Variants in UNC5D observed in about 807,000 individuals in gnomAD.
The protein encoded by UNC5D is netrin receptor UNC5D.
Under a neutral mutation model 105.4 loss-of-function variants are expected in UNC5D, and 39 were observed. The observed-to-expected ratio is 0.37, with a 90% CI of 0.29 to 0.48. The LOEUF (loss-of-function observed/expected upper bound fraction) is 0.48, where lower values mean the gene tolerates loss of function less well. UNC5D is among the 20% of genes least tolerant of loss of function. UNC5D has a pLI of 0.98. For missense variants in UNC5D, 991 were observed against 1,202.4 expected (o/e 0.82, Z 2.60); for synonymous variants, 452 against 450.4 (o/e 1.00, Z -0.04).
intron 1 of UNC5D, among the ~76,000 whole-genome samples, chr8:35,413,036 C>A (rs1585783795): frequency 6.6e-6 from 1 of 152,202 alleles, no homozygotes; most frequent in African/African-American, 2.4e-5. Flanking sequence ...AATTCAGTTT[C>A]TTGTTTACGC....
chr8:35,796,257 G>A lies in UNC5D; in HGVS notation c.*5694G>A, dbSNP rs929578741. ...GCCTTGTATTATCAATGTAAATTCT[G>A]AATGTTGTACAGTAAACTTGGATGG... On this transcript the variant is annotated 3_prime_UTR_variant, in exon 17 of 17. Transcript: ENST00000404895. The A allele has an allele frequency of 1.8e-4, 28 of 151,994 alleles. No homozygotes were observed. The highest frequency in any genetic ancestry group is 6.0e-4 in the African/African-American group (25 of 41,356). 9.4% of individuals were successfully genotyped at this position (151,994 alleles called of 1,614,324 possible).
chr8:35,703,866 T>C (rs1009354667), intron 7 of UNC5D, among the ~76,000 whole-genome samples: 1 of 152,214 alleles, frequency 6.6e-6, no homozygotes, highest in African/African-American at 2.4e-5. Context: ...CTGTGCCCCA[T>C]GCCAAATGCT....
intron 8 of UNC5D, among the ~76,000 whole-genome samples, chr8:35,706,203 A>G (rs1827566320): frequency 6.6e-6 from 1 of 152,166 alleles, no homozygotes; most frequent in African/African-American, 2.4e-5. Flanking sequence ...CTATAAGTCC[A>G]TTTCTCTGCA....
At chr8:35,420,472 G>T (rs1164732706) in intron 1 of UNC5D, among the ~76,000 whole-genome samples, 1 of 152,126 alleles carries the variant, frequency 6.6e-6, no homozygotes, top group African/African-American at 2.4e-5. Flanking sequence ...GAACTGTCTT[G>T]TGTGTGTCTT....
chr8:35,427,495 A>G (rs994221879), intron 1 of UNC5D, among the ~76,000 whole-genome samples: 1 of 152,216 alleles, frequency 6.6e-6, no homozygotes, highest in Non-Finnish European at 1.5e-5. Context: ...AGCAGGGTGG[A>G]TGTCAAACAT....
At chr8:35,538,852 G>C (rs1046128309) in intron 1 of UNC5D, among the ~76,000 whole-genome samples, 4 of 152,074 alleles carry the variant, frequency 2.6e-5, no homozygotes, top group African/African-American at 9.7e-5. Context: ...CAATAAGTCT[G>C]TTTGAAGCAT....
At chr8:35,765,290 C>T (rs565211084) in intron 14 of UNC5D, among the ~76,000 whole-genome samples, 3 of 152,248 alleles carry the variant, frequency 2.0e-5, no homozygotes, top group Admixed American at 6.5e-5. Context: ...CAGCCCCTTC[C>T]GCATGGGGAA....
At chr8:35,401,495 G>C (rs1459970124) in intron 1 of UNC5D, among the ~76,000 whole-genome samples, 1 of 152,126 alleles carries the variant, frequency 6.6e-6, no homozygotes, top group African/African-American at 2.4e-5. Flanking sequence ...AAAAGGGAAG[G>C]AAGCTGGGAG....
chr8:35,413,292 T>TGTGTGTGTGTGTGTGTGCTG (rs56157732), intron 1 of UNC5D, among the ~76,000 whole-genome samples: 1 of 127,978 alleles, frequency 7.8e-6, no homozygotes, highest in African/African-American at 3.1e-5. Flanking sequence ...TGTGTGTGTG[T>TGTGTGTGTGTGTGTGTGCTG]TGTGTGTGTG....
chr8:35,490,234 G>A (rs1324490333), intron 1 of UNC5D, among the ~76,000 whole-genome samples: 1 of 152,156 alleles, frequency 6.6e-6, no homozygotes, highest in Non-Finnish European at 1.5e-5. Context: ...GGGGCACTAT[G>A]GCTCATGCCT....
chr8:35,750,575 C>A lies in UNC5D; in HGVS notation c.1936-7C>A, dbSNP rs1159130088. ...AAGTGAGAGAATAAACATACCTTTC[C>A]CAACAGGAAGTGATGTCAGTGGAAG... On this transcript the variant is annotated splice_polypyrimidine_tract_variant and splice_region_variant and intron_variant, in intron 12 of 16. Transcript: ENST00000404895. 6.2e-7 allele frequency: 1 copy of A among 1,613,746 alleles called. No homozygotes were observed. Among genetic ancestry groups the A allele is most frequent in the Non-Finnish European group, 8.5e-7 (1 of 1,179,630 alleles).
intron 4 of UNC5D, among the ~76,000 whole-genome samples, chr8:35,653,868 C>A (rs996367151): frequency 2.6e-4 from 40 of 152,078 alleles, no homozygotes; most frequent in African/African-American, 8.9e-4. Flanking sequence ...GTTATAATAT[C>A]ATCAGTCTTT....
At chr8:35,525,435 G>A (rs1034239326) in intron 1 of UNC5D, 42 of 1,612,070 alleles carry the variant, frequency 2.6e-5, no homozygotes, top group Non-Finnish European at 3.4e-5. Flanking sequence ...GCCCTCTAGA[G>A]AGACACCAGC....
At chr8:35,412,317 G>A (rs1805228220) in intron 1 of UNC5D, among the ~76,000 whole-genome samples, 1 of 152,130 alleles carries the variant, frequency 6.6e-6, no homozygotes, top group South Asian at 2.1e-4. Flanking sequence ...GGTGGTATTG[G>A]CTCTTCTGAT....
Position 35,684,624 on chromosome 8 carries a change from A to G in UNC5D, c.794A>G (p.Asn265Ser), listed in dbSNP as rs1249676993. The part of the protein sequence containing the change: ...WSSWTEWSAC[N>S]VRCGRGWQKR... ...TCCTGGACAGAGTGGTCAGCCTGCAATGTTCGCTGTGGTAGAGGATGGCAG... is the reference window on the plus strand; with the variant it reads ...TCCTGGACAGAGTGGTCAGCCTGCAGTGTTCGCTGTGGTAGAGGATGGCAG... The change falls in exon 6 of 17, where the codon AAT becomes AGT. Residue 265 changes from asparagine to serine, a missense_variant. Physicochemically the swap from Asn to Ser is conservative, Grantham distance 46 (BLOSUM62 1). This residue lies in a region of UNC5D where 944 missense variants were observed against 1,131.6 expected (regional missense o/e 0.83). Coordinates refer to ENST00000404895, the MANE Select transcript of UNC5D (RefSeq NM_080872.4). 3.1e-6 allele frequency: 5 copies of G among 1,613,378 alleles called. No homozygotes were observed. The highest frequency in any genetic ancestry group is 1.3e-5 in the African/African-American group (1 of 74,856).
intron 13 of UNC5D, among the ~76,000 whole-genome samples, chr8:35,758,822 G>A (rs1257526593): frequency 2.6e-5 from 4 of 152,102 alleles, no homozygotes; most frequent in Admixed American, 6.6e-5. Flanking sequence ...CATGATACAT[G>A]CACACTGGGA....
At chr8:35,580,561 T>C (rs1280695436) in intron 3 of UNC5D, among the ~76,000 whole-genome samples, 2 of 149,898 alleles carry the variant, frequency 1.3e-5, no homozygotes, top group African/African-American at 4.9e-5. Context: ...AAAAAAAAAG[T>C]AGAACAGGCA....
chr8:35,537,896 TCAA>T (rs1025389981), intron 1 of UNC5D, among the ~76,000 whole-genome samples: 1 of 152,082 alleles, frequency 6.6e-6, no homozygotes, highest in African/African-American at 2.4e-5. Context: ...AAAAATTTAT[TCAA>T]CAAACACATG....
At chr8:35,602,666 T>C (rs754599527) in intron 4 of UNC5D, among the ~76,000 whole-genome samples, 10 of 152,230 alleles carry the variant, frequency 6.6e-5, no homozygotes, top group South Asian at 4.1e-4. Flanking sequence ...CATTTTTTAT[T>C]GCGTCTATTT....
Sources: gnomAD v4.1 joint callset for allele counts (sites outside exome capture counted in the v4.1 genomes callset) on GRCh38, gnomAD v4.1.1 for gene constraint, gnomAD v4.1.1 regional missense constraint, MANE v1.5 for transcripts, NCBI Gene and HGNC (gene_info 2026-07-23, HGNC 2026-07-21) for gene names.